ABCB4: variants seen among roughly 807,000 people sequenced by gnomAD.
ABCB4 encodes ATP binding cassette subfamily B member 4.
Under a neutral mutation model 145.7 loss-of-function variants are expected in ABCB4, and 76 were observed. That is an observed-to-expected ratio of 0.52 (90% CI 0.43 to 0.63). The LOEUF (loss-of-function observed/expected upper bound fraction) is 0.63, where lower values mean the gene tolerates loss of function less well. Among genes scored for constraint, ABCB4 ranks in the 30% least tolerant of loss-of-function variants. ABCB4 has a pLI of 0.00. For missense variants in ABCB4, 1,234 were observed against 1,553.1 expected (o/e 0.79, Z 3.45); for synonymous variants, 517 against 566.8 (o/e 0.91, Z 1.25).
the ABCB4 span, chr7:87,375,931 T>C: frequency 6.2e-7 from 1 of 1,611,264 alleles, no homozygotes; most frequent in Non-Finnish European, 8.5e-7. Context: ...AGTCCACATG[T>C]AACACCAGAG....
rs1268407837 is a variant in ABCB4 at position 87,440,080 on chromosome 7, C to G, written c.1560+119G>C. 5.6e-6 allele frequency: 7 copies of G among 1,249,274 alleles called. No homozygotes were observed. In the Admixed American group the frequency reaches 1.4e-4, roughly 25 times the overall value. 77.4% of individuals were successfully genotyped at this position (1,249,274 alleles called of 1,614,324 possible). A position where few individuals can be genotyped will look rare whatever the true frequency, so the allele number is the denominator to read the frequency against. On this transcript the variant is annotated intron_variant, in intron 13 of 27. Coordinates refer to ENST00000649586, the MANE Select transcript of ABCB4 (RefSeq NM_000443.4). The stretch of plus-strand genomic sequence containing the variant: ...TAACTGAGTCATTCAGGGGACTTAT[C>G]TAGCAAAGTTGGACAATCTTGCATC...
rs45525932 is a variant in ABCB4, at chr7:87,418,083, C to G, written c.2478+454G>C. Among the ~76,000 whole-genome samples, 867 of 152,314 alleles carry G rather than the reference C, an allele frequency of 5.7e-3. 15 individuals are homozygous for G. In the South Asian group the frequency reaches 0.062, roughly 11 times the overall value. ...TGAGCTGCAAAGTAACCCACCTCAG[C>G]TAAAGGGGTGGGGGACGTAGGCCAC... On this transcript the variant is annotated intron_variant, in intron 20 of 27. Coordinates refer to ENST00000649586, the MANE Select transcript of ABCB4 (RefSeq NM_000443.4).
At chr7:87,420,120 G>A (rs371132401) in intron 18 of ABCB4, 45 bp from the exon 19 acceptor site, 121 of 1,560,572 alleles carry the variant, frequency 7.8e-5, no homozygotes, top group Non-Finnish European at 1.1e-4. Flanking sequence ...CTTTATGTAT[G>A]TAATTGCACC....
At chr7:87,371,561 T>A in the ABCB4 span, among the ~76,000 whole-genome samples, 1 of 152,254 alleles carries the variant, frequency 6.6e-6, no homozygotes, top group African/African-American at 2.4e-5. Context: ...AATGTTCACA[T>A]CATCTGATGT....
intron 3 of ABCB4, among the ~76,000 whole-genome samples, chr7:87,463,273 A>T (rs1312038496): frequency 1.4e-4 from 20 of 147,724 alleles, no homozygotes; most frequent in Non-Finnish European, 6.0e-5. Context: ...ACACACACAC[A>T]CACCACATCC....
chr7:87,452,217 C>T (rs1384958041), intron 6 of ABCB4, among the ~76,000 whole-genome samples: 1 of 152,178 alleles, frequency 6.6e-6, no homozygotes, highest in Non-Finnish European at 1.5e-5. Context: ...CCAACCAAGT[C>T]TATTCTCAAC....
At chr7:87,420,702 AT>A (rs1268051983) in intron 18 of ABCB4, among the ~76,000 whole-genome samples, 2 of 152,320 alleles carry the variant, frequency 1.3e-5, no homozygotes, top group Admixed American at 1.3e-4. Flanking sequence ...CCAAATACGA[AT>A]TCAAAGCCCC....
At chr7:87,372,007 C>CAAAAAAAAAAAAAAAAAAA in the ABCB4 span, among the ~76,000 whole-genome samples, 3 of 124,002 alleles carry the variant, frequency 2.4e-5, no homozygotes, top group Non-Finnish European at 5.0e-5. Flanking sequence ...AAAAAAAAAA[C>CAAAAAAAAAAAAAAAAAAA]AAAAAAAAAA....
At chr7:87,419,398 T>C (rs1197503001) in intron 19 of ABCB4, among the ~76,000 whole-genome samples, 1 of 152,252 alleles carries the variant, frequency 6.6e-6, no homozygotes, top group African/African-American at 2.4e-5. Flanking sequence ...TATTTTCCTA[T>C]GTCAGGCACT....
intron 12 of ABCB4, among the ~76,000 whole-genome samples, chr7:87,442,324 T>A (rs1204264381): frequency 1.3e-5 from 2 of 152,140 alleles, no homozygotes; most frequent in Non-Finnish European, 2.9e-5. Flanking sequence ...GAAAATTATG[T>A]ATTAATTCTG....
chr7:87,430,369 T>G (rs1234007072), intron 15 of ABCB4, among the ~76,000 whole-genome samples: 2 of 152,226 alleles, frequency 1.3e-5, no homozygotes, highest in African/African-American at 4.8e-5. Context: ...TGTATATACT[T>G]TCACAAATAG....
chr7:87,467,266 C>T (rs1812977137), intron 3 of ABCB4, among the ~76,000 whole-genome samples: 1 of 152,058 alleles, frequency 6.6e-6, no homozygotes, highest in African/African-American at 2.4e-5. Flanking sequence ...TCTGATAAAA[C>T]AGAATTTAAA....
chr7:87,435,868 G>T (rs1562972077), intron 14 of ABCB4, among the ~76,000 whole-genome samples: 1 of 152,202 alleles, frequency 6.6e-6, no homozygotes, highest in African/African-American at 2.4e-5. Flanking sequence ...GTAGGTGGTG[G>T]TTGAAAGGAA....
At chr7:87,457,021 T>C (rs1812143143) in intron 4 of ABCB4, among the ~76,000 whole-genome samples, 1 of 152,178 alleles carries the variant, frequency 6.6e-6, no homozygotes, top group South Asian at 2.1e-4. Context: ...ACGCTGTCTG[T>C]GCATTAGAAT....
At chr7:87,388,537 A>G in the ABCB4 span, among the ~76,000 whole-genome samples, 1 of 152,198 alleles carries the variant, frequency 6.6e-6, no homozygotes, top group Non-Finnish European at 1.5e-5. Context: ...AGGATTCCCT[A>G]TTTAATAAAC....
intron 14 of ABCB4, among the ~76,000 whole-genome samples, chr7:87,434,564 A>G (rs879642660): frequency 7.9e-5 from 12 of 152,076 alleles, no homozygotes; most frequent in African/African-American, 2.7e-4. Flanking sequence ...CCTGGCCAAC[A>G]TGGGGAAACC....
At chr7:87,388,278 TA>T in the ABCB4 span, among the ~76,000 whole-genome samples, 1 of 152,090 alleles carries the variant, frequency 6.6e-6, no homozygotes, top group Non-Finnish European at 1.5e-5. Flanking sequence ...AAAACTACTT[TA>T]AATTTCATAT....
the ABCB4 span, chr7:87,382,191 T>C: frequency 1.3e-6 from 2 of 1,577,202 alleles, no homozygotes; most frequent in Admixed American, 1.8e-5. Flanking sequence ...GGTATATTTT[T>C]CACTTTTCTC....
At chr7:87,408,340 A>T in intron 24 of ABCB4, 106 bp from the exon 25 acceptor site, 1 of 1,167,340 alleles carries the variant, frequency 8.6e-7, no homozygotes, top group Non-Finnish European at 1.2e-6. Context: ...GAGAAACATA[A>T]AATTCATATT....
Sources: allele counts gnomAD v4.1 joint callset (sites outside exome capture counted in the v4.1 genomes callset), GRCh38; gene constraint gnomAD v4.1.1; transcripts MANE v1.5; gene names NCBI Gene and HGNC (gene_info 2026-07-23, HGNC 2026-07-21).